FRYL: variants seen among roughly 807,000 people sequenced by gnomAD.
FRYL encodes the protein protein furry homolog-like.
In FRYL, 150 loss-of-function variants were observed where a neutral mutation model predicts 351.2. That is an observed-to-expected ratio of 0.43 (90% CI 0.37 to 0.49). FRYL has a LOEUF of 0.49. FRYL is among the 20% of genes least tolerant of loss of function. FRYL has a pLI of 0.00. For synonymous variants in FRYL, 1,153 were observed against 1,257.1 expected, an observed-to-expected ratio of 0.92 and a Z score of 1.75; for missense variants, 3,036 against 3,619.3, an observed-to-expected ratio of 0.84 and a Z score of 4.13.
At chr4:48,615,469 T>C (rs963792935) in intron 7 of FRYL, among the ~76,000 whole-genome samples, 8 of 152,348 alleles carry the variant, frequency 5.3e-5, no homozygotes, top group Non-Finnish European at 7.4e-5. Flanking sequence ...TTTTAAAGAA[T>C]GAACATATGA....
chr4:48,745,720 T>G (rs1352578289), intron 1 of FRYL, among the ~76,000 whole-genome samples: 4 of 152,162 alleles, frequency 2.6e-5, no homozygotes, highest in Non-Finnish European at 4.4e-5. Flanking sequence ...ACCTGCACGT[T>G]GTGCACATGT....
intron 1 of FRYL, among the ~76,000 whole-genome samples, chr4:48,732,373 C>A (rs1484005054): frequency 6.6e-6 from 1 of 152,010 alleles, no homozygotes; most frequent in Non-Finnish European, 1.5e-5. Flanking sequence ...GGTGGTGATT[C>A]CTCAAGGATC....
At chr4:48,581,028 A>AATTCACTTC in intron 21 of FRYL, 77 bp from the exon 22 acceptor site, 2 of 842,840 alleles carry the variant, frequency 2.4e-6, no homozygotes, top group Non-Finnish European at 3.6e-6. Flanking sequence ...AAACACTAAA[A>AATTCACTTC]ATTCACTTCA....
Position 48,619,668 on chromosome 4 carries a change from C to T in FRYL, c.315-298G>A, listed in dbSNP as rs76690997. Among the ~76,000 whole-genome samples, 931 of 152,092 alleles carry T rather than the reference C, an allele frequency of 6.1e-3. 12 individuals are homozygous for T. The highest frequency in any genetic ancestry group is 0.021 in the African/African-American group (876 of 41,528). Reference sequence around the variant, plus strand: ...TACAGGCAAGCGCCACCATGCCCAGCTAATTTTATTTTTTCTAGAGAAGGG... The same window carrying T: ...TACAGGCAAGCGCCACCATGCCCAGTTAATTTTATTTTTTCTAGAGAAGGG... On this transcript the variant is annotated intron_variant, in intron 6 of 63. Coordinates refer to ENST00000358350, the MANE Select transcript of FRYL (RefSeq NM_015030.2).
At chr4:48,637,910 C>G (rs1435863086) in intron 3 of FRYL, 5 of 152,018 alleles carry the variant, frequency 3.3e-5, no homozygotes, top group Non-Finnish European at 5.9e-5. Flanking sequence ...TAACGTATAA[C>G]TCTTACAATT....
In FRYL at chr4:48,724,085, G is replaced by GC. The variant is rs1427919210; in HGVS notation, c.-383-13388dup. Among the ~76,000 whole-genome samples the GC allele has an allele frequency of 2.0e-5, 3 of 151,660 alleles. No homozygotes were observed. In the East Asian group the frequency reaches 5.8e-4, roughly 29 times the overall value. ...CCAGACGTTAGTAAGCCATGATCCT[G>GC]CCACTGTAATCCAGCCTGGGAGACA... On this transcript the variant is annotated intron_variant, in intron 1 of 63. Coordinates refer to ENST00000358350, the MANE Select transcript of FRYL (RefSeq NM_015030.2).
intron 53 of FRYL, among the ~76,000 whole-genome samples, chr4:48,525,089 G>A: frequency 6.8e-6 from 1 of 146,468 alleles, no homozygotes; most frequent in African/African-American, 2.5e-5. Flanking sequence ...AGAATGAAAA[G>A]GAAGAGAATA....
chr4:48,660,271 C>T lies in FRYL; in HGVS notation c.-81+24402G>A, dbSNP rs537307456. The stretch of plus-strand genomic sequence containing the variant: ...GAAGAAGTAAATAAACAGGGGAGAA[C>T]AGAAAAAGTTTTCATTGTATGGGAA... On this transcript the variant is annotated intron_variant, in intron 3 of 63. Transcript: ENST00000358350. 2.6e-5 allele frequency among the ~76,000 whole-genome samples: 4 copies of T among 152,106 alleles called. No individual in the cohort carries two copies. In the East Asian group the frequency reaches 7.7e-4, roughly 29 times the overall value.
chr4:48,605,681 TA>T, intron 11 of FRYL, 59 bp downstream of exon 11: 1 of 1,072,892 alleles, frequency 9.3e-7, no homozygotes, highest in South Asian at 1.3e-5. Context: ...AATAAAAGTA[TA>T]AGGTTGATAA....
chr4:48,620,246 C>T (rs1484148419), intron 6 of FRYL, among the ~76,000 whole-genome samples: 1 of 152,206 alleles, frequency 6.6e-6, no homozygotes, highest in Non-Finnish European at 1.5e-5. Flanking sequence ...TATTATAACA[C>T]AGGGTTTTGG....
chr4:48,627,616 T>A (rs1387073774), intron 4 of FRYL, among the ~76,000 whole-genome samples: 1 of 151,732 alleles, frequency 6.6e-6, no homozygotes, highest in Non-Finnish European at 1.5e-5. Context: ...GGATACGTTA[T>A]CCAAAAAAAT....
At chr4:48,741,952 G>C (rs1772135590) in intron 1 of FRYL, among the ~76,000 whole-genome samples, 1 of 152,188 alleles carries the variant, frequency 6.6e-6, no homozygotes, top group African/African-American at 2.4e-5. Flanking sequence ...CATGTCATTA[G>C]AAGTTTGTCC....
At chr4:48,768,345 C>T (rs368321724) in intron 1 of FRYL, among the ~76,000 whole-genome samples, 107 of 152,132 alleles carry the variant, frequency 7.0e-4, no homozygotes, top group Non-Finnish European at 1.3e-3. Context: ...GCAAACAAAA[C>T]GAAAATCGTA....
chr4:48,690,065 T>A (rs1457727165), intron 2 of FRYL, among the ~76,000 whole-genome samples: 1 of 420 alleles, frequency 2.4e-3, no homozygotes, highest in Non-Finnish European at 0.015. Context: ...CCCAGCTAAT[T>A]TTTTTTTTTT....
At chr4:48,746,561 AAAAG>A (rs1301493649) in intron 1 of FRYL, among the ~76,000 whole-genome samples, 8 of 151,920 alleles carry the variant, frequency 5.3e-5, no homozygotes, top group Non-Finnish European at 1.0e-4. Context: ...AAAAAAAAGA[AAAAG>A]AAAACAAACA....
chr4:48,677,660 C>T (rs1023511419), intron 3 of FRYL, among the ~76,000 whole-genome samples: 5 of 152,188 alleles, frequency 3.3e-5, no homozygotes, highest in Admixed American at 1.3e-4. Context: ...ATCCGCCTGC[C>T]TTGGCCTCCC....
chr4:48,558,252 A>C (rs1314584920), intron 33 of FRYL, among the ~76,000 whole-genome samples: 1 of 152,248 alleles, frequency 6.6e-6, no homozygotes, highest in Non-Finnish European at 1.5e-5. Context: ...GGAAAACAGG[A>C]AAGAAATCCT....
chr4:48,525,575 C>A (rs1383307850), intron 53 of FRYL, among the ~76,000 whole-genome samples: 5 of 152,204 alleles, frequency 3.3e-5, no homozygotes, highest in Admixed American at 2.0e-4. Flanking sequence ...AAAGGAAACA[C>A]CCCTACAAGA....
At chr4:48,711,725 C>G (rs1768067117) in intron 1 of FRYL, among the ~76,000 whole-genome samples, 1 of 152,184 alleles carries the variant, frequency 6.6e-6, no homozygotes, top group Non-Finnish European at 1.5e-5. Flanking sequence ...GTTCTCCCAG[C>G]ATGCAGCTGG....
Sources: gnomAD v4.1 joint callset for allele counts (sites outside exome capture counted in the v4.1 genomes callset) on GRCh38, gnomAD v4.1.1 for gene constraint, MANE v1.5 for transcripts, NCBI Gene and HGNC (gene_info 2026-07-23, HGNC 2026-07-21) for gene names.